EDIL3: variants seen among roughly 807,000 people sequenced by gnomAD.
The protein encoded by EDIL3 is EGF-like repeat and discoidin I-like domain-containing protein 3.
Under a neutral mutation model 67.4 loss-of-function variants are expected in EDIL3, and 37 were observed. The ratio of observed to expected loss-of-function variants is 0.55; its 90% CI spans 0.42 to 0.72. The LOEUF (loss-of-function observed/expected upper bound fraction) is 0.72. EDIL3 is among the 30% of genes least tolerant of loss of function. EDIL3 has a pLI of 0.00. For missense variants in EDIL3, 527 were observed against 586.3 expected, an observed-to-expected ratio of 0.90 and a Z score of 1.04; for synonymous variants, 195 against 196.3, an observed-to-expected ratio of 0.99 and a Z score of 0.05.
At chr5:84,273,765 G>C (rs1745520291) in intron 1 of EDIL3, among the ~76,000 whole-genome samples, 1 of 152,098 alleles carries the variant, frequency 6.6e-6, no homozygotes, top group Non-Finnish European at 1.5e-5. Context: ...TCAGCACCAT[G>C]GTTTGTCTAC....
At chr5:84,066,925 G>C (rs530273303) in intron 6 of EDIL3, among the ~76,000 whole-genome samples, 2 of 152,200 alleles carry the variant, frequency 1.3e-5, no homozygotes, top group Admixed American at 1.3e-4. Flanking sequence ...TGAAAACTTG[G>C]AATATTCTCT....
chr5:84,329,194 T>C (rs1361836755), intron 1 of EDIL3, among the ~76,000 whole-genome samples: 3 of 152,120 alleles, frequency 2.0e-5, no homozygotes, highest in Non-Finnish European at 4.4e-5. Flanking sequence ...TTTCATCTTC[T>C]ATTGCAATTG....
At chr5:84,186,947 G>T (rs1263947955) in intron 3 of EDIL3, among the ~76,000 whole-genome samples, 1 of 152,038 alleles carries the variant, frequency 6.6e-6, no homozygotes, top group Non-Finnish European at 1.5e-5. Context: ...AGTATACAGA[G>T]TGGTGACTAG....
rs1412252472 is a variant in EDIL3 at position 83,969,415 on chromosome 5, A to C, written c.1138-6055T>G. Among the ~76,000 whole-genome samples the C allele has an allele frequency of 3.3e-5, 5 of 151,874 alleles. No individual in the cohort carries two copies. In the South Asian group the frequency reaches 1.0e-3, roughly 31 times the overall value. On this transcript the variant is annotated intron_variant, in intron 9 of 10. Coordinates refer to ENST00000296591, the MANE Select transcript of EDIL3 (RefSeq NM_005711.5). Reference sequence around the variant, plus strand: ...AATAAACAAAAAAGGCCTTTTAAACATAAAAGAAACATACAAATAATAGTA... The same window carrying C: ...AATAAACAAAAAAGGCCTTTTAAACCTAAAAGAAACATACAAATAATAGTA...
At chr5:84,001,279 C>A (rs1468379919) in intron 9 of EDIL3, among the ~76,000 whole-genome samples, 1 of 152,080 alleles carries the variant, frequency 6.6e-6, no homozygotes, top group Admixed American at 6.6e-5. Context: ...AAACTTCAGA[C>A]CTCAGGTGAT....
At chr5:84,275,527 T>C (rs925667498) in intron 1 of EDIL3, among the ~76,000 whole-genome samples, 5 of 152,242 alleles carry the variant, frequency 3.3e-5, no homozygotes, top group Non-Finnish European at 7.3e-5. Flanking sequence ...GTATAAGTTA[T>C]CATGTGTTGG....
intron 1 of EDIL3, among the ~76,000 whole-genome samples, chr5:84,306,493 G>A (rs1412358326): frequency 6.6e-6 from 1 of 152,116 alleles, no homozygotes; most frequent in African/African-American, 2.4e-5. Flanking sequence ...CCTGGGATCT[G>A]GGATTATGGC....
intron 1 of EDIL3, among the ~76,000 whole-genome samples, chr5:84,341,210 C>T (rs2112177592): frequency 6.6e-6 from 1 of 152,098 alleles, no homozygotes; most frequent in Non-Finnish European, 1.5e-5. Context: ...GTGATATACA[C>T]TGACCTTTTA....
intron 1 of EDIL3, among the ~76,000 whole-genome samples, chr5:84,365,354 A>G (rs2112205781): frequency 6.6e-6 from 1 of 152,244 alleles, no homozygotes; most frequent in African/African-American, 2.4e-5. Flanking sequence ...ATTGTTTTTC[A>G]TTTTAACATC....
At chr5:84,132,376 TATATA>T (rs1283092694) in intron 5 of EDIL3, among the ~76,000 whole-genome samples, 11 of 61,156 alleles carry the variant, frequency 1.8e-4, no homozygotes, top group African/African-American at 6.7e-4. Flanking sequence ...ATATATATTA[TATATA>T]ATATATTTTA....
intron 3 of EDIL3, among the ~76,000 whole-genome samples, chr5:84,228,637 T>G (rs1054865639): frequency 2.6e-5 from 4 of 152,154 alleles, no homozygotes; most frequent in Non-Finnish European, 4.4e-5. Flanking sequence ...TCAAAGGCAG[T>G]TTATAGTTAT....
intron 9 of EDIL3, among the ~76,000 whole-genome samples, chr5:83,988,290 AATC>A (rs1334540276): frequency 1.3e-5 from 2 of 152,198 alleles, no homozygotes; most frequent in Non-Finnish European, 2.9e-5. Context: ...AAAGAAAACT[AATC>A]ATACTTTTGT....
intron 9 of EDIL3, among the ~76,000 whole-genome samples, chr5:84,010,637 C>T (rs1190368506): frequency 6.6e-6 from 1 of 152,126 alleles, no homozygotes; most frequent in Non-Finnish European, 1.5e-5. Flanking sequence ...TTGTGCTTCC[C>T]ATTTTACAAA....
intron 3 of EDIL3, among the ~76,000 whole-genome samples, chr5:84,213,372 C>T (rs1044836254): frequency 5.9e-5 from 9 of 152,068 alleles, no homozygotes; most frequent in Non-Finnish European, 1.2e-4. Context: ...ACAATTCCTC[C>T]CAACACACTT....
intron 1 of EDIL3, among the ~76,000 whole-genome samples, chr5:84,295,972 C>T (rs1746044623): frequency 6.6e-6 from 1 of 152,076 alleles, no homozygotes; most frequent in Admixed American, 6.6e-5. Flanking sequence ...GTATTTTGGC[C>T]AAATTTGTAG....
At chr5:84,333,485 C>T (rs1746917465) in intron 1 of EDIL3, among the ~76,000 whole-genome samples, 1 of 152,010 alleles carries the variant, frequency 6.6e-6, no homozygotes, top group Admixed American at 6.6e-5. Flanking sequence ...ATCAAAAGCA[C>T]AAACATAATG....
At chr5:84,023,738 A>T (rs941301304) in intron 9 of EDIL3, among the ~76,000 whole-genome samples, 3 of 152,054 alleles carry the variant, frequency 2.0e-5, no homozygotes, top group Non-Finnish European at 2.9e-5. Flanking sequence ...CAAGGTTCCC[A>T]TTAGTCTTAT....
chr5:83,991,362 A>G (rs1259630907), intron 9 of EDIL3, among the ~76,000 whole-genome samples: 1 of 152,238 alleles, frequency 6.6e-6, no homozygotes, highest in East Asian at 1.9e-4. Flanking sequence ...TTTAATTAGA[A>G]TAAGCTAGAT....
chr5:84,300,938 A>ACACACACACG (rs1295246350), intron 1 of EDIL3, among the ~76,000 whole-genome samples: 1 of 151,936 alleles, frequency 6.6e-6, no homozygotes, highest in Admixed American at 6.6e-5. Context: ...ACACATACAC[A>ACACACACACG]CACACACACA....
Sources: allele counts gnomAD v4.1 joint callset (sites outside exome capture counted in the v4.1 genomes callset), GRCh38; gene constraint gnomAD v4.1.1; transcripts MANE v1.5; gene names NCBI Gene and HGNC (gene_info 2026-07-23, HGNC 2026-07-21).